The following ESPL1 variants were observed in gnomAD, a reference collection of about 807,000 sequenced individuals.
ESPL1 encodes extra spindle pole bodies like 1, separase, also known as separin.
ESPL1 carries 50 observed loss-of-function variants against 217.2 expected under a neutral mutation model. The ratio of observed to expected loss-of-function variants is 0.23; its 90% CI spans 0.18 to 0.29. The LOEUF (loss-of-function observed/expected upper bound fraction) is 0.29. Ranked by LOEUF, ESPL1 falls within the 10% of genes least tolerant of loss-of-function variation. The pLI, the probability that ESPL1 is intolerant of heterozygous loss-of-function variation, is 1.00. For synonymous variants in ESPL1, 994 were observed against 1,081.3 expected (o/e 0.92, Z 1.58); for missense variants, 1,834 against 2,603.0 (o/e 0.70, Z 6.43).
intron 2 of ESPL1, 78 bp downstream of exon 2, chr12:53,268,925 A>G: frequency 6.7e-7 from 1 of 1,487,072 alleles, no homozygotes; most frequent in Non-Finnish European, 9.3e-7. Flanking sequence ...GAAGAGATGG[A>G]TAAGTAGGCG....
Position 53,293,552 on chromosome 12 carries a change from ACT to A in ESPL1, c.*81_*82del, listed in dbSNP as rs1944100554. The A allele has an allele frequency of 1.8e-6, 2 of 1,113,418 alleles. No homozygotes were observed. Among genetic ancestry groups the A allele is most frequent in the East Asian group, 2.4e-5 (1 of 42,262 alleles). The allele number at this position is 1,113,418 out of a possible 1,614,324, so 69.0% of individuals were successfully genotyped here. ...AAGGTTAGATTTAATCCTTAGGATAACTCTTTTAAAGTGATTTTCCCCAGTGT... is the reference window on the plus strand; with the variant it reads ...AAGGTTAGATTTAATCCTTAGGATAACTTTTAAAGTGATTTTCCCCAGTGT... On this transcript the variant is annotated 3_prime_UTR_variant, in exon 31 of 31. Transcript: ENST00000257934. The surrounding 1 kb of genome is among the most constrained non-coding windows in gnomAD (Gnocchi z 4.2).
At chr12:53,268,702 T>G (rs1193216959) in intron 1 of ESPL1, 53 bp from the exon 2 acceptor site, 6 of 1,113,028 alleles carry the variant, frequency 5.4e-6, no homozygotes, top group Non-Finnish European at 8.0e-6. Context: ...CCTCTTCCCT[T>G]CCTCCAGTTA....
At position 53,286,323 on chromosome 12, in the gene ESPL1, A is replaced by G; in HGVS notation, c.3587A>G (p.Glu1196Gly). 1 of 1,614,172 alleles carries G rather than the reference A, an allele frequency of 6.2e-7. No homozygotes were observed. Among genetic ancestry groups the G allele is most frequent in the Non-Finnish European group, 8.5e-7 (1 of 1,180,028 alleles). Residue 1196 changes from glutamate to glycine, a missense_variant, in exon 18 of 31, where the codon GAG becomes GGG. By Grantham distance (98) the Glu-to-Gly change is moderately conservative (BLOSUM62 -2). Coordinates refer to ENST00000257934, the MANE Select transcript of ESPL1 (RefSeq NM_012291.5). The surrounding 1 kb of genome is among the most constrained non-coding windows in gnomAD (Gnocchi z 5.3). ...VVLKGCPEAA[E>G]RLTQALQASL... The stretch of plus-strand genomic sequence containing the variant: ...CTGAAGGGCTGTCCTGAAGCCGCTG[A>G]GCGCCTCACCCAAGCTCTCCAAGCT...
At position 53,277,149 on chromosome 12, in the gene ESPL1, C is replaced by T. The variant is rs1943781259; in HGVS notation, c.2007C>T (p.Ala669=). 6.2e-7 allele frequency: 1 copy of T among 1,614,208 alleles called. No homozygotes were observed. The highest frequency in any genetic ancestry group is 8.5e-7 in the Non-Finnish European group (1 of 1,180,006). The change falls in exon 9 of 31, where the codon GCC becomes GCT. Residue 669 remains alanine, a synonymous_variant. Coordinates refer to ENST00000257934, the MANE Select transcript of ESPL1 (RefSeq NM_012291.5). The part of the protein sequence containing the change: ...LLDSVRPEAQ[A]RDQLLDDKAQ... ...ACTCTGTGAGGCCTGAGGCCCAGGC[C>T]AGAGATCAGCTTCTGGACGATAAAG... is the stretch of plus-strand genomic sequence containing the variant.
chr12:53,274,915 A>G lies in ESPL1; in HGVS notation c.1605A>G (p.Gln535=). ...KMVILWLAAL[Q]PCSPEHMAEP... is the part of the protein sequence containing the mutation. Reference sequence around the variant, plus strand: ...TGATTTTGTGGCTGGCAGCCCTGCAACCCTGTAGCCCTGAACACATGGCTG... The same window carrying G: ...TGATTTTGTGGCTGGCAGCCCTGCAGCCCTGTAGCCCTGAACACATGGCTG... Residue 535 remains glutamine, a synonymous_variant, in exon 7 of 31, where the codon CAA becomes CAG. Coordinates refer to ENST00000257934, the MANE Select transcript of ESPL1 (RefSeq NM_012291.5). 6.2e-7 allele frequency: 1 copy of G among 1,611,740 alleles called. No individual in the cohort carries two copies. The highest frequency in any genetic ancestry group is 8.5e-7 in the Non-Finnish European group (1 of 1,178,770).
intron 11 of ESPL1, 43 bp from the exon 12 acceptor site, chr12:53,279,689 C>T (rs1251752734): frequency 1.2e-6 from 2 of 1,612,902 alleles, no homozygotes; most frequent in South Asian, 2.2e-5. Context: ...GAAATAGAGG[C>T]TTGAGCAGGG....
In ESPL1 at chr12:53,293,376, C is replaced by G. The variant is rs1357343905; in HGVS notation, c.6265C>G (p.Leu2089Val). The G allele has an allele frequency of 6.2e-7, 1 of 1,614,180 alleles. No homozygotes were observed. The highest frequency in any genetic ancestry group is 1.1e-5 in the South Asian group (1 of 91,090). The change falls in exon 31 of 31, where the codon CTT becomes GTT. Residue 2089 changes from leucine (L) to valine (V), a missense_variant. This residue lies in a region of ESPL1 where 295 missense variants were observed against 519.8 expected (regional missense o/e 0.57). Coordinates refer to ENST00000257934, the MANE Select transcript of ESPL1 (RefSeq NM_012291.5). The surrounding 1 kb of genome is among the most constrained non-coding windows in gnomAD (Gnocchi z 4.2). ...GWLGAGPGAP[L>V]LYYVNQARQA... ...GCTTGGAGCAGGCCCAGGGGCCCCCCTTCTCTACTATGTAAACCAGGCCCG... is the reference window on the plus strand; with the variant it reads ...GCTTGGAGCAGGCCCAGGGGCCCCCGTTCTCTACTATGTAAACCAGGCCCG...
chr12:53,272,791 T>G lies in ESPL1; in HGVS notation c.1440T>G (p.Ser480=). The change falls in exon 6 of 31, where the codon TCT becomes TCG. Residue 480 remains serine (S), a synonymous_variant. Transcript: ENST00000257934. ...HKLYAEACAI[S]EPLCQHLGLV... is the part of the protein sequence containing the mutation. ...TCTATGCCGAGGCCTGTGCCATCTC[T>G]GAGCCGCTCTGTCAGCACCTGGGTT... 6.2e-7 allele frequency: 1 copy of G among 1,614,172 alleles called. No homozygotes were observed. The highest frequency in any genetic ancestry group is 1.3e-5 in the African/African-American group (1 of 75,040).
intron 2 of ESPL1, 45 bp downstream of exon 2, chr12:53,268,892 G>T: frequency 6.4e-7 from 1 of 1,554,756 alleles, no homozygotes; most frequent in Non-Finnish European, 8.8e-7. Context: ...TTTCCAAACT[G>T]AGCTGTTTTG....
chr12:53,286,996 C>A lies in ESPL1; in HGVS notation c.4176+84C>A. On this transcript the variant is annotated intron_variant, in intron 18 of 30. Transcript: ENST00000257934. The surrounding 1 kb of genome is among the most constrained non-coding windows in gnomAD (Gnocchi z 5.3). ...GAGAGTGTTTTATAGAGCAGGTGTC[C>A]CTGTGGAATAGCTCCCCAGGGCCTA... is the stretch of plus-strand genomic sequence containing the variant. The A allele has an allele frequency of 7.4e-7, 1 of 1,354,524 alleles. No individual in the cohort carries two copies. The highest frequency in any genetic ancestry group is 1.0e-6 in the Non-Finnish European group (1 of 993,448). The allele number at this position is 1,354,524 out of a possible 1,614,324, so 83.9% of individuals were successfully genotyped here. A position where few individuals can be genotyped will look rare whatever the true frequency, so the allele number is the denominator to read the frequency against.
chr12:53,293,146 C>A lies in ESPL1; in HGVS notation c.6162-127C>A. ...GCTCCCTTCTGTTCTTCTCTTGTAA[C>A]CAAGGGCCAAAGGAGTTTCTCATTG... On this transcript the variant is annotated intron_variant, in intron 30 of 30. Transcript: ENST00000257934. The surrounding 1 kb of genome is among the most constrained non-coding windows in gnomAD (Gnocchi z 4.2). 1 of 1,006,554 alleles carries A rather than the reference C, an allele frequency of 9.9e-7. No individual in the cohort carries two copies. The highest frequency in any genetic ancestry group is 1.5e-6 in the Non-Finnish European group (1 of 667,476). The allele number at this position is 1,006,554 out of a possible 1,614,324, so 62.4% of individuals were successfully genotyped here. A position where few individuals can be genotyped will look rare whatever the true frequency, so the allele number is the denominator to read the frequency against.
In ESPL1 at chr12:53,286,236, C is replaced by T. The variant is rs138672959; in HGVS notation, c.3500C>T (p.Thr1167Met). 19 of 1,614,126 alleles carry T rather than the reference C, an allele frequency of 1.2e-5. No individual in the cohort carries two copies. The African/African-American group carries it at 1.2e-4, about 10-fold the overall frequency. The change falls in exon 18 of 31, where the codon ACG becomes ATG. Residue 1167 changes from threonine (T) to methionine (M), a missense_variant. Physicochemically the swap from Thr to Met is moderately conservative, Grantham distance 81 (BLOSUM62 -1). Transcript: ENST00000257934. This position sits in a 1 kb window ranked among gnomAD's most constrained non-coding sequence, Gnocchi z 5.3. ...TAVCLRWVLV[T>M]AGVRLAMGHQ... The stretch of plus-strand genomic sequence containing the variant: ...GTCTGTCTGCGCTGGGTATTGGTCA[C>T]GGCAGGGGTGAGGCTGGCCATGGGC...
chr12:53,272,334 G>A (rs1181848394), intron 5 of ESPL1, among the ~76,000 whole-genome samples: 1 of 152,120 alleles, frequency 6.6e-6, no homozygotes, highest in Non-Finnish European at 1.5e-5. Flanking sequence ...GGTGCATGAC[G>A]GGGGGCAAGT....
rs372612771 is a variant in ESPL1 at position 53,290,126 on chromosome 12, G to A, written c.5155G>A (p.Gly1719Arg). 25 of 1,613,536 alleles carry A rather than the reference G, an allele frequency of 1.5e-5. No homozygotes were observed. The Admixed American group carries it at 2.7e-4, about 17-fold the overall frequency. ...GTTGGCCCTGGCCACCCTCCAGCCC[G>A]GAACCGTGGGCAACACCCTCCTGCT... ...CVLALATLQPGTVGNTLLLTR... is the reference protein window; with the variant it reads ...CVLALATLQPRTVGNTLLLTR... Residue 1719 changes from glycine to arginine, a missense_variant, in exon 23 of 31, where the codon GGA becomes AGA. Gly to Arg is a moderately radical substitution (Grantham distance 125). Coordinates refer to ENST00000257934, the MANE Select transcript of ESPL1 (RefSeq NM_012291.5).
Position 53,292,455 on chromosome 12 carries a change from G to A in ESPL1, c.5912+62G>A, listed in dbSNP as rs1565767225. 7.0e-7 allele frequency: 1 copy of A among 1,426,398 alleles called. No individual in the cohort carries two copies. The highest frequency in any genetic ancestry group is 9.9e-7 in the Non-Finnish European group (1 of 1,008,884). The allele number at this position is 1,426,398 out of a possible 1,614,324, so 88.4% of individuals were successfully genotyped here. ...GGTAGACAACATACAGGGGCAACAA[G>A]CCTTTTCTCCAGAAACAGCTGTTGC... is the stretch of plus-strand genomic sequence containing the variant. On this transcript the variant is annotated intron_variant, in intron 28 of 30. Transcript: ENST00000257934. The surrounding 1 kb of genome is among the most constrained non-coding windows in gnomAD (Gnocchi z 4.5).
rs1469834856 is a variant in ESPL1, at chr12:53,292,536, T to C, written c.5913-38T>C. Reference sequence around the variant, plus strand: ...TGTCTTTGCCACCTGACCCCTGCCATGCATTTCCCTATTCTCACACCTGCC... The same window carrying C: ...TGTCTTTGCCACCTGACCCCTGCCACGCATTTCCCTATTCTCACACCTGCC... On this transcript the variant is annotated intron_variant, in intron 28 of 30. Transcript: ENST00000257934. The surrounding 1 kb of genome is among the most constrained non-coding windows in gnomAD (Gnocchi z 4.5). The C allele has an allele frequency of 5.8e-6, 9 of 1,559,504 alleles. No individual in the cohort carries two copies. The highest frequency in any genetic ancestry group is 7.1e-6 in the Non-Finnish European group (8 of 1,132,856).
rs1179034787 is a variant in ESPL1, at chr12:53,281,546, G to A, written c.2539G>A (p.Asp847Asn). 3.1e-6 allele frequency: 5 copies of A among 1,613,728 alleles called. No homozygotes were observed. The highest frequency in any genetic ancestry group is 1.6e-4 in the Middle Eastern group (1 of 6,084). Residue 847 changes from aspartate (D) to asparagine (N), a missense_variant, in exon 13 of 31, where the codon GAT becomes AAT. By Grantham distance (23) the Asp-to-Asn change is conservative. Coordinates refer to ENST00000257934, the MANE Select transcript of ESPL1 (RefSeq NM_012291.5). ...EEAASSLKHL[D>N]QTTDTYLLLS... ...GGCAGCATCGAGCCTGAAGCATCTCGATCAGACTACTGACACATACCTGCT... is the reference window on the plus strand; with the variant it reads ...GGCAGCATCGAGCCTGAAGCATCTCAATCAGACTACTGACACATACCTGCT...
At chr12:53,278,901 C>A (rs1426679025) in intron 11 of ESPL1, among the ~76,000 whole-genome samples, 4 of 150,818 alleles carry the variant, frequency 2.7e-5, no homozygotes, top group African/African-American at 9.8e-5. Context: ...CCCCGCCCCC[C>A]CGCCGAGATA....
intron 20 of ESPL1, 105 bp from the exon 21 acceptor site, chr12:53,288,985 G>A (rs1592495717): frequency 4.3e-6 from 4 of 935,310 alleles, no homozygotes; most frequent in South Asian, 1.5e-5. Context: ...GGTAGTTGCT[G>A]TTTGCCATGT....
Sources: gnomAD v4.1 joint callset for allele counts (sites outside exome capture counted in the v4.1 genomes callset) on GRCh38, gnomAD v4.1.1 for gene constraint, gnomAD v4.1.1 regional missense constraint, Gnocchi (gnomAD v3.1) non-coding constraint, MANE v1.5 for transcripts, NCBI Gene and HGNC (gene_info 2026-07-23, HGNC 2026-07-21) for gene names.